The following ADGRL3 variants were observed in gnomAD, a reference collection of about 807,000 sequenced individuals.
The protein encoded by ADGRL3 is calcium-independent alpha-latrotoxin receptor 3.
A neutral mutation model predicts 153.5 loss-of-function variants in ADGRL3; 62 were observed. That is an observed-to-expected ratio of 0.40 (90% CI 0.33 to 0.50). The LOEUF is 0.50. ADGRL3 is among the 20% of genes least tolerant of loss of function. ADGRL3 has a pLI of 0.47. For missense variants in ADGRL3, 1,641 were observed against 1,859.4 expected, an observed-to-expected ratio of 0.88 and a Z score of 2.16; for synonymous variants, 710 against 672.5, an observed-to-expected ratio of 1.06 and a Z score of -0.86.
At position 61,570,702 on chromosome 4, in the gene ADGRL3, T is replaced by C. The variant is rs2149124124; in HGVS notation, c.260-16525T>C. 1.3e-5 allele frequency among the ~76,000 whole-genome samples: 2 copies of C among 152,278 alleles called. 1 individual carries two copies. Among genetic ancestry groups the C allele is most frequent in the South Asian group, 4.1e-4 (2 of 4,832 alleles). ...CCATGAGAGTAGAGGGAATTTTTTT[T>C]CCATTTATTTCCTTCTGTGCTCCAG... On this transcript the variant is annotated intron_variant, in intron 4 of 26. Coordinates refer to ENST00000683033, the MANE Select transcript of ADGRL3 (RefSeq NM_001387552.1).
chr4:61,551,525 G>A (rs185393839), intron 4 of ADGRL3, among the ~76,000 whole-genome samples: 2 of 152,222 alleles, frequency 1.3e-5, no homozygotes, highest in East Asian at 3.9e-4. Flanking sequence ...ACTCATATGA[G>A]GTATGGTTGG....
intron 13 of ADGRL3, among the ~76,000 whole-genome samples, chr4:61,925,766 C>T (rs746610992): frequency 3.3e-5 from 5 of 152,140 alleles, no homozygotes; most frequent in Admixed American, 6.5e-5. Context: ...CACCAGGCCC[C>T]ACCTCCAACA....
chr4:61,432,768 C>T (rs1194243869), intron 2 of ADGRL3, among the ~76,000 whole-genome samples: 2 of 151,354 alleles, frequency 1.3e-5, no homozygotes, highest in Admixed American at 6.6e-5. Context: ...ATTCCCCTGC[C>T]TCAGCCTCCT....
chr4:62,060,777 C>T (rs891023537), intron 25 of ADGRL3, among the ~76,000 whole-genome samples: 8 of 151,608 alleles, frequency 5.3e-5, no homozygotes, highest in African/African-American at 1.7e-4. Flanking sequence ...CATAAAATAC[C>T]ATATATTTGA....
intron 4 of ADGRL3, among the ~76,000 whole-genome samples, chr4:61,521,793 A>G (rs1240393557): frequency 6.6e-6 from 1 of 152,146 alleles, no homozygotes; most frequent in Admixed American, 6.6e-5. Flanking sequence ...GAATGTAGGC[A>G]AGGAATAATG....
intron 21 of ADGRL3, among the ~76,000 whole-genome samples, chr4:62,016,798 G>A (rs575749807): frequency 2.0e-5 from 3 of 152,004 alleles, no homozygotes; most frequent in African/African-American, 7.2e-5. Context: ...TCTTTATGAG[G>A]TTAAGTCATA....
Position 62,077,528 on chromosome 4 carries a change from T to C in ADGRL3, c.*6620T>C, listed in dbSNP as rs888122334. On this transcript the variant is annotated 3_prime_UTR_variant, in exon 27 of 27. Coordinates refer to ENST00000683033, the MANE Select transcript of ADGRL3 (RefSeq NM_001387552.1). ...ATATATTGATTGCTCTCAAAAGATG[T>C]TTGACAAAGTTAAGTCAGTATCTTC... 2.0e-5 allele frequency: 3 copies of C among 152,014 alleles called. No homozygotes were observed. The highest frequency in any genetic ancestry group is 6.6e-5 in the Admixed American group (1 of 15,250). 9.4% of individuals were successfully genotyped at this position (152,014 alleles called of 1,614,324 possible).
intron 6 of ADGRL3, among the ~76,000 whole-genome samples, chr4:61,716,800 A>G (rs138313919): frequency 1.3e-5 from 2 of 152,314 alleles, no homozygotes; most frequent in East Asian, 1.9e-4. Flanking sequence ...AGATGAAACT[A>G]TGCGTGTTTT....
intron 1 of ADGRL3, among the ~76,000 whole-genome samples, chr4:61,361,712 A>G (rs1041006775): frequency 6.6e-6 from 1 of 152,174 alleles, no homozygotes; most frequent in African/African-American, 2.4e-5. Context: ...AACACAATGG[A>G]AGCAATAAAC....
At position 61,892,899 on chromosome 4, in the gene ADGRL3, T is replaced by C. The variant is rs1415511749; in HGVS notation, c.1724T>C (p.Met575Thr). 4 of 1,585,930 alleles carry C rather than the reference T, an allele frequency of 2.5e-6. No homozygotes were observed. Among genetic ancestry groups the C allele is most frequent in the Admixed American group, 1.9e-5 (1 of 54,038 alleles). ...SCEAVEAREI[M>T]WFKTRQGQIA... ...GAGGCTGTGGAAGCCCGAGAAATCA[T>C]GTGGTTTAAGACTCGTCAAGGACAG... Residue 575 changes from methionine (M) to threonine (T), a missense_variant, in exon 10 of 27, where the codon ATG (methionine) becomes ACG (threonine). By Grantham distance (81) the Met-to-Thr change is moderately conservative. This residue lies in a region of ADGRL3 where 734 missense variants were observed against 797.0 expected (regional missense o/e 0.92). Transcript: ENST00000683033.
intron 8 of ADGRL3, among the ~76,000 whole-genome samples, chr4:61,787,702 G>T (rs1488193804): frequency 6.6e-6 from 1 of 151,760 alleles, no homozygotes; most frequent in African/African-American, 2.4e-5. Flanking sequence ...TTCCAAAATA[G>T]TTTTTCATTA....
At chr4:61,394,265 G>A (rs961726538) in intron 2 of ADGRL3, among the ~76,000 whole-genome samples, 45 of 151,942 alleles carry the variant, frequency 3.0e-4, no homozygotes, top group African/African-American at 1.1e-3. Context: ...TATGTGTTTA[G>A]TAGGGACCTA....
rs529860710 is a variant in ADGRL3, at chr4:61,801,636, T to C, written c.1400-12173T>C. ...AAAAAGAAAAAAAATGAAGGATATG[T>C]GAAGCCTCGTGGTATAAGGCATCAA... On this transcript the variant is annotated intron_variant, in intron 8 of 26. Transcript: ENST00000683033. Among the ~76,000 whole-genome samples, 95 of 152,192 alleles carry C rather than the reference T, an allele frequency of 6.2e-4. No individual in the cohort carries two copies. The Middle Eastern group carries it at 0.01, about 16-fold the overall frequency.
chr4:61,674,090 ATAAT>A (rs1395100569), intron 5 of ADGRL3, among the ~76,000 whole-genome samples: 3 of 151,300 alleles, frequency 2.0e-5, no homozygotes, highest in South Asian at 4.2e-4. Context: ...ATATAGATAA[ATAAT>A]TAGTAATTTA....
At chr4:61,610,394 G>T (rs2099048403) in intron 5 of ADGRL3, among the ~76,000 whole-genome samples, 1 of 152,082 alleles carries the variant, frequency 6.6e-6, no homozygotes, top group African/African-American at 2.4e-5. Flanking sequence ...TATAAGTTGT[G>T]TAATTTCAGA....
intron 19 of ADGRL3, among the ~76,000 whole-genome samples, chr4:61,986,772 A>G (rs979863516): frequency 6.6e-6 from 1 of 152,226 alleles, no homozygotes; most frequent in African/African-American, 2.4e-5. Flanking sequence ...CTTGGGGTAC[A>G]TTGTAAATAA....
At chr4:61,988,301 A>T (rs1204636603) in intron 19 of ADGRL3, among the ~76,000 whole-genome samples, 1 of 152,194 alleles carries the variant, frequency 6.6e-6, no homozygotes, top group African/African-American at 2.4e-5. Context: ...ATAATTAGTT[A>T]TTTAAAAAAT....
Position 61,349,975 on chromosome 4 carries a change from T to C in ADGRL3, c.-239-33149T>C, listed in dbSNP as rs1187139439. ...CTTTTATTTATTCTACAAATACTTATTGAATAATCACGCAGAACAAGAACA... is the reference window on the plus strand; with the variant it reads ...CTTTTATTTATTCTACAAATACTTACTGAATAATCACGCAGAACAAGAACA... On this transcript the variant is annotated intron_variant, in intron 1 of 26. Transcript: ENST00000683033. Among the ~76,000 whole-genome samples the C allele has an allele frequency of 3.3e-5, 5 of 152,214 alleles. No homozygotes were observed. In the East Asian group the frequency reaches 7.7e-4, roughly 23 times the overall value.
At chr4:61,744,799 G>A (rs1166559763) in intron 8 of ADGRL3, among the ~76,000 whole-genome samples, 1 of 152,122 alleles carries the variant, frequency 6.6e-6, no homozygotes, top group Non-Finnish European at 1.5e-5. Context: ...ACTCTAAAAA[G>A]CAGAGCACCT....
Sources: allele counts gnomAD v4.1 joint callset (sites outside exome capture counted in the v4.1 genomes callset), GRCh38; gene constraint gnomAD v4.1.1; regional missense constraint gnomAD v4.1.1; transcripts MANE v1.5; gene names NCBI Gene and HGNC (gene_info 2026-07-23, HGNC 2026-07-21).